The following HORMAD2 variants were observed in gnomAD, a reference collection of about 807,000 sequenced individuals.
HORMAD2 encodes HORMA domain-containing protein 2.
A neutral mutation model predicts 38.8 loss-of-function variants in HORMAD2; 45 were observed. That is an observed-to-expected ratio of 1.16 (90% CI 0.91 to 1.49). The LOEUF is 1.49. HORMAD2 is among the 40% of genes most tolerant of loss of function. The probability of loss-of-function intolerance (pLI) is 0.00; values close to 1 mark genes in which losing one functional copy is unlikely to be tolerated. For missense variants in HORMAD2, 338 were observed against 367.0 expected (o/e 0.92, Z 0.65); for synonymous variants, 126 against 122.8 (o/e 1.03, Z -0.17).
At chr22:30,193,055 T>C in the HORMAD2 span, among the ~76,000 whole-genome samples, 2 of 152,154 alleles carry the variant, frequency 1.3e-5, no homozygotes, top group East Asian at 3.8e-4. Context: ...CTTTTGGGGC[T>C]AAAATGATAG....
Position 30,098,206 on chromosome 22 carries a change from G to C in HORMAD2, c.52-646G>C, listed in dbSNP as rs572342941. 3.9e-5 allele frequency among the ~76,000 whole-genome samples: 6 copies of C among 152,284 alleles called. No homozygotes were observed. In the South Asian group the frequency reaches 1.2e-3, roughly 32 times the overall value. On this transcript the variant is annotated intron_variant, in intron 2 of 10. Coordinates refer to ENST00000336726, the MANE Select transcript of HORMAD2 (RefSeq NM_152510.4). ...GGGACCTGAATTCCTTTTTGTATAG[G>C]CTGTAGCTGAAGCTATGAAACTAGA...
At chr22:30,140,364 ATTC>A (rs1319085524) in intron 10 of HORMAD2, among the ~76,000 whole-genome samples, 3 of 152,208 alleles carry the variant, frequency 2.0e-5, no homozygotes, top group Non-Finnish European at 4.4e-5. Flanking sequence ...GTTAGTATTA[ATTC>A]TTCTTTAAAT....
chr22:30,082,170 A>G (rs142892040), intron 1 of HORMAD2, among the ~76,000 whole-genome samples: 2 of 152,240 alleles, frequency 1.3e-5, no homozygotes, highest in East Asian at 1.9e-4. Context: ...GAGTAAAGCC[A>G]TTCTTAACAA....
At chr22:30,172,887 C>CA (rs761454791) in intron 10 of HORMAD2, among the ~76,000 whole-genome samples, 288 of 110,876 alleles carry the variant, frequency 2.6e-3, no homozygotes, top group African/African-American at 3.8e-3. Flanking sequence ...GACTCCGTTT[C>CA]AAAAAAAAAA....
In HORMAD2 at chr22:30,148,069, G is replaced by A. The variant is rs1924528557; in HGVS notation, c.819+25855G>A. Among the ~76,000 whole-genome samples, 3 of 152,152 alleles carry A rather than the reference G, an allele frequency of 2.0e-5. 1 individual carries two copies. The South Asian group carries it at 6.2e-4, about 32-fold the overall frequency. On this transcript the variant is annotated intron_variant, in intron 10 of 10. Coordinates refer to ENST00000336726, the MANE Select transcript of HORMAD2 (RefSeq NM_152510.4). ...GTTCATAGCAGCTTTATTCATAATA[G>A]TTCCAAACTGGAATTAACCCGCGTG...
At chr22:30,089,797 A>G (rs2068649165) in intron 1 of HORMAD2, among the ~76,000 whole-genome samples, 1 of 152,178 alleles carries the variant, frequency 6.6e-6, no homozygotes, top group Admixed American at 6.5e-5. Flanking sequence ...CACATTTGCA[A>G]TGTTGTGCAA....
chr22:30,114,108 C>CA (rs747356919), intron 7 of HORMAD2, among the ~76,000 whole-genome samples: 6 of 151,696 alleles, frequency 4.0e-5, no homozygotes, highest in Non-Finnish European at 7.4e-5. Flanking sequence ...AGTTTAATTA[C>CA]AAAAAAAGTA....
chr22:30,119,903 G>T (rs1162446114), intron 8 of HORMAD2, among the ~76,000 whole-genome samples: 2 of 152,158 alleles, frequency 1.3e-5, no homozygotes, highest in African/African-American at 4.8e-5. Context: ...AAAACCTACA[G>T]ACAGCACTAG....
chr22:30,099,493 G>T (rs1744303903), intron 3 of HORMAD2, among the ~76,000 whole-genome samples: 1 of 152,104 alleles, frequency 6.6e-6, no homozygotes, highest in Non-Finnish European at 1.5e-5. Context: ...CAATTGCCAG[G>T]TCTTCTACTT....
At chr22:30,103,643 TTTTTGA>T in intron 4 of HORMAD2, 143 bp downstream of exon 4, 2 of 416,302 alleles carry the variant, frequency 4.8e-6, no homozygotes, top group East Asian at 4.3e-5. Flanking sequence ...TCTTTTTCTG[TTTTTGA>T]TTTTTTTTTT....
intron 3 of HORMAD2, among the ~76,000 whole-genome samples, chr22:30,100,768 C>T (rs1266849806): frequency 1.3e-5 from 2 of 152,084 alleles, no homozygotes; most frequent in African/African-American, 4.8e-5. Flanking sequence ...AAAAAGTGGG[C>T]AAAGGATATG....
chr22:30,098,715 CTA>C (rs2146082480), intron 2 of HORMAD2, 135 bp from the exon 3 acceptor site: 1 of 639,630 alleles, frequency 1.6e-6, no homozygotes, highest in East Asian at 3.0e-5. Context: ...ATTCAAAGCG[CTA>C]TTTCTTTTTG....
At chr22:30,149,775 A>G (rs1042448758) in intron 10 of HORMAD2, among the ~76,000 whole-genome samples, 10 of 152,216 alleles carry the variant, frequency 6.6e-5, no homozygotes, top group African/African-American at 2.4e-4. Flanking sequence ...GAAATATTTC[A>G]TGCCCTAAAA....
chr22:30,161,846 A>G (rs13053698), intron 10 of HORMAD2, among the ~76,000 whole-genome samples: 3 of 152,214 alleles, frequency 2.0e-5, no homozygotes, highest in Admixed American at 6.5e-5. Flanking sequence ...AATGTTGATT[A>G]TTATAACCGT....
chr22:30,121,962 A>G lies in HORMAD2; in HGVS notation c.569-2A>G. The stretch of plus-strand genomic sequence containing the variant: ...TGGCTTTTTGCCCTTTTCATTTCGC[A>G]GTGACCCCACATGATTACCAACCCC... On this transcript the variant is annotated splice_acceptor_variant, in intron 9 of 10. Coordinates refer to ENST00000336726, the MANE Select transcript of HORMAD2 (RefSeq NM_152510.4). LOFTEE classifies it high-confidence loss of function. 1 of 1,608,824 alleles carries G rather than the reference A, an allele frequency of 6.2e-7. No individual in the cohort carries two copies.
At chr22:30,087,282 G>T (rs573006848) in intron 1 of HORMAD2, among the ~76,000 whole-genome samples, 3 of 152,238 alleles carry the variant, frequency 2.0e-5, no homozygotes, top group African/African-American at 7.2e-5. Flanking sequence ...CGAGGGAACA[G>T]AAGTAAGTTT....
At chr22:30,111,965 G>A (rs1601529804) in intron 6 of HORMAD2, 149 bp downstream of exon 6, 1 of 570,460 alleles carries the variant, frequency 1.8e-6, no homozygotes, top group South Asian at 2.9e-5. Context: ...TCTATCAGAA[G>A]TTTAATAAAA....
intron 10 of HORMAD2, among the ~76,000 whole-genome samples, chr22:30,175,357 G>GA (rs1926393386): frequency 9.5e-6 from 1 of 105,294 alleles, no homozygotes; most frequent in Non-Finnish European, 2.1e-5. Flanking sequence ...TCCTTCCAAA[G>GA]AAAAAACATA....
Position 30,176,194 on chromosome 22 carries a change from T to A in HORMAD2, c.*27T>A. On this transcript the variant is annotated 3_prime_UTR_variant, in exon 11 of 11. Coordinates refer to ENST00000336726, the MANE Select transcript of HORMAD2 (RefSeq NM_152510.4). ...AGCTAAATATTCCTTCTACATTTAT[T>A]TTAAAATAAGTTTATTTTGTAAAAA... 7.2e-7 allele frequency: 1 copy of A among 1,386,076 alleles called. No individual in the cohort carries two copies. Among genetic ancestry groups the A allele is most frequent in the African/African-American group, 1.4e-5 (1 of 70,090 alleles). The allele number at this position is 1,386,076 out of a possible 1,614,324, so 85.9% of individuals were successfully genotyped here. A position where few individuals can be genotyped will look rare whatever the true frequency, so the allele number is the denominator to read the frequency against.
Sources: gnomAD v4.1 joint callset for allele counts (sites outside exome capture counted in the v4.1 genomes callset) on GRCh38, gnomAD v4.1.1 for gene constraint, MANE v1.5 for transcripts, NCBI Gene and HGNC (gene_info 2026-07-23, HGNC 2026-07-21) for gene names.